The following PTPRT variants were observed in gnomAD, a reference collection of about 807,000 sequenced individuals.
The protein encoded by PTPRT is receptor-type tyrosine-protein phosphatase T.
A neutral mutation model predicts 176.8 loss-of-function variants in PTPRT; 56 were observed. The ratio of observed to expected loss-of-function variants is 0.32; its 90% CI spans 0.26 to 0.40. PTPRT has a LOEUF of 0.40. Among genes scored for constraint, PTPRT ranks in the 10% least tolerant of loss-of-function variants. The probability of loss-of-function intolerance (pLI) is 1.00; values close to 1 mark genes in which losing one functional copy is unlikely to be tolerated. For missense variants in PTPRT, 1,540 were observed against 1,908.2 expected (o/e 0.81, Z 3.60); for synonymous variants, 783 against 739.0 (o/e 1.06, Z -0.96).
intron 7 of PTPRT, among the ~76,000 whole-genome samples, chr20:42,565,853 G>A (rs2073030805): frequency 6.6e-6 from 1 of 151,988 alleles, no homozygotes; most frequent in African/African-American, 2.4e-5. Flanking sequence ...CTTCCAAAGG[G>A]CAATATTACC....
chr20:42,899,902 C>T (rs561693907), intron 1 of PTPRT, among the ~76,000 whole-genome samples: 146 of 152,260 alleles, frequency 9.6e-4, no homozygotes, highest in African/African-American at 3.3e-3. Flanking sequence ...AAAATGGGAA[C>T]AATAATGATA....
In PTPRT at chr20:42,940,596, T is replaced by C. The variant is rs1413479554; in HGVS notation, c.89-54664A>G. Among the ~76,000 whole-genome samples the C allele has an allele frequency of 7.2e-5, 11 of 152,244 alleles. No individual in the cohort carries two copies. The East Asian group carries it at 9.7e-4, about 13-fold the overall frequency. On this transcript the variant is annotated intron_variant, in intron 1 of 30. Coordinates refer to ENST00000373187, the MANE Select transcript of PTPRT (RefSeq NM_007050.6). ...TAGGCACGTGAGTGATACAGTCATATGTGATGTCTGCTCTTAGGTGGGGGA... is the reference window on the plus strand; with the variant it reads ...TAGGCACGTGAGTGATACAGTCATACGTGATGTCTGCTCTTAGGTGGGGGA...
At chr20:42,843,636 A>G (rs2078317616) in intron 2 of PTPRT, among the ~76,000 whole-genome samples, 1 of 152,242 alleles carries the variant, frequency 6.6e-6, no homozygotes, top group South Asian at 2.1e-4. Flanking sequence ...GGGGAGCAGA[A>G]AGATTTGGGG....
chr20:42,143,879 C>T (rs1988745019), intron 17 of PTPRT, among the ~76,000 whole-genome samples: 1 of 152,200 alleles, frequency 6.6e-6, no homozygotes, highest in Non-Finnish European at 1.5e-5. Context: ...ACATCTCATG[C>T]CTTAGAGTTA....
At chr20:42,204,821 T>C (rs111547902) in intron 15 of PTPRT, among the ~76,000 whole-genome samples, 19 of 152,184 alleles carry the variant, frequency 1.2e-4, no homozygotes, top group Admixed American at 9.8e-4. Context: ...GTGGAAATCA[T>C]GCTACGAGAG....
chr20:42,304,975 T>C (rs2057522345), intron 12 of PTPRT, among the ~76,000 whole-genome samples: 1 of 152,230 alleles, frequency 6.6e-6, no homozygotes, highest in Admixed American at 6.5e-5. Context: ...ACAGATAGTG[T>C]ACCCTGCGCT....
intron 19 of PTPRT, among the ~76,000 whole-genome samples, chr20:42,125,835 C>G (rs1175803249): frequency 6.6e-6 from 1 of 152,058 alleles, no homozygotes; most frequent in East Asian, 1.9e-4. Context: ...TTGGGGGATT[C>G]TAGTCAAATG....
intron 9 of PTPRT, among the ~76,000 whole-genome samples, chr20:42,367,363 T>G (rs1378694322): frequency 2.6e-5 from 4 of 152,202 alleles, no homozygotes; most frequent in Admixed American, 6.5e-5. Flanking sequence ...ATGGTATTTT[T>G]GGGGAAACCA....
intron 17 of PTPRT, among the ~76,000 whole-genome samples, chr20:42,145,497 C>G (rs961983070): frequency 1.4e-5 from 2 of 144,444 alleles, no homozygotes; most frequent in South Asian, 2.3e-4. Flanking sequence ...GACTTTGTCT[C>G]ATAGATAGAT....
chr20:42,268,841 G>A (rs890651632), intron 13 of PTPRT, among the ~76,000 whole-genome samples: 1 of 152,154 alleles, frequency 6.6e-6, no homozygotes, highest in Non-Finnish European at 1.5e-5. Flanking sequence ...TTTAGGCTCA[G>A]CCCCAATCTC....
At chr20:42,346,027 G>C (rs1045713980) in intron 11 of PTPRT, among the ~76,000 whole-genome samples, 1 of 152,134 alleles carries the variant, frequency 6.6e-6, no homozygotes, top group African/African-American at 2.4e-5. Flanking sequence ...AGTTCAGTGG[G>C]GGGTGGATTG....
chr20:42,601,863 T>C (rs1168488721), intron 7 of PTPRT, among the ~76,000 whole-genome samples: 1 of 152,170 alleles, frequency 6.6e-6, no homozygotes, highest in African/African-American at 2.4e-5. Context: ...CTTTTGTCTC[T>C]AGCTATCAAT....
chr20:42,274,527 G>GC (rs2056992867), intron 13 of PTPRT, among the ~76,000 whole-genome samples: 1 of 147,932 alleles, frequency 6.8e-6, no homozygotes, highest in Non-Finnish European at 1.5e-5. Context: ...CTGTTTCCAG[G>GC]CCCTGTACAG....
intron 19 of PTPRT, among the ~76,000 whole-genome samples, chr20:42,122,148 C>T (rs1987624259): frequency 6.6e-6 from 1 of 152,164 alleles, no homozygotes; most frequent in South Asian, 2.1e-4. Flanking sequence ...CAAAACTGCA[C>T]TTGTGCTCTC....
chr20:42,337,011 C>A (rs756012075), intron 11 of PTPRT, among the ~76,000 whole-genome samples: 10 of 152,246 alleles, frequency 6.6e-5, no homozygotes, highest in Non-Finnish European at 1.0e-4. Context: ...AGTCACTGGG[C>A]AAGGGGAGTT....
intron 6 of PTPRT, among the ~76,000 whole-genome samples, chr20:42,696,500 G>C (rs927917902): frequency 2.0e-5 from 3 of 149,954 alleles, no homozygotes; most frequent in East Asian, 2.0e-4. Flanking sequence ...CTGTCGCCCA[G>C]GCTGGAGTGC....
chr20:42,841,652 CACACACAT>C (rs1346075064), intron 2 of PTPRT, among the ~76,000 whole-genome samples: 5 of 143,572 alleles, frequency 3.5e-5, no homozygotes, highest in East Asian at 2.0e-4. Flanking sequence ...CACACACACA[CACACACAT>C]AATCTCTCTC....
rs147139217 is a variant in PTPRT, at chr20:42,354,846, G to A, written c.1561-2561C>T. 8.9e-3 allele frequency among the ~76,000 whole-genome samples: 1,357 copies of A among 152,162 alleles called. 15 individuals are homozygous for A. The highest frequency in any genetic ancestry group is 0.012 in the Non-Finnish European group (825 of 68,006). On this transcript the variant is annotated intron_variant, in intron 9 of 30. Transcript: ENST00000373187. ...TCCTATATTAAACAGTAGTGGTGCC[G>A]CATCCTTGAGGAGAGAGGTCAGACG...
At chr20:42,172,858 C>T (rs1239418353) in intron 16 of PTPRT, among the ~76,000 whole-genome samples, 1 of 152,140 alleles carries the variant, frequency 6.6e-6, no homozygotes, top group East Asian at 1.9e-4. Flanking sequence ...TTTCTTCTTT[C>T]TACACTAAGA....
Sources: allele counts gnomAD v4.1 joint callset (sites outside exome capture counted in the v4.1 genomes callset), GRCh38; gene constraint gnomAD v4.1.1; transcripts MANE v1.5; gene names NCBI Gene and HGNC (gene_info 2026-07-23, HGNC 2026-07-21).